Variants in LRBA observed in about 807,000 individuals in gnomAD.
LRBA encodes the protein lipopolysaccharide-responsive and beige-like anchor protein.
LRBA carries 176 observed loss-of-function variants against 330.0 expected under a neutral mutation model. The observed-to-expected ratio is 0.53, with a 90% confidence interval of 0.47 to 0.60. The LOEUF is 0.60. Among genes scored for constraint, LRBA ranks in the 20% least tolerant of loss-of-function variants. The probability of loss-of-function intolerance (pLI) is 0.00; values close to 1 mark genes in which losing one functional copy is unlikely to be tolerated. For synonymous variants in LRBA, 1,230 were observed against 1,193.0 expected, an observed-to-expected ratio of 1.03 and a Z score of -0.64; for missense variants, 3,259 against 3,444.8, an observed-to-expected ratio of 0.95 and a Z score of 1.35.
intron 2 of LRBA, among the ~76,000 whole-genome samples, chr4:151,012,617 G>A (rs1396191932): frequency 2.0e-5 from 3 of 152,108 alleles, no homozygotes; most frequent in Non-Finnish European, 2.9e-5. Flanking sequence ...GACAACTGTT[G>A]AAGCTGCACA....
At chr4:150,517,666 G>A (rs958738119) in intron 40 of LRBA, among the ~76,000 whole-genome samples, 26 of 152,176 alleles carry the variant, frequency 1.7e-4, no homozygotes, top group African/African-American at 6.0e-4. Flanking sequence ...TTTATAATAA[G>A]CTGCGGGTAT....
At position 150,508,248 on chromosome 4, in the gene LRBA, G is replaced by A. The variant is rs867759291; in HGVS notation, c.6331-17213C>T. Among the ~76,000 whole-genome samples, 318 of 137,252 alleles carry A rather than the reference G, an allele frequency of 2.3e-3. 5 individuals are homozygous for A. Among genetic ancestry groups the A allele is most frequent in the African/African-American group, 5.9e-3 (223 of 38,006 alleles). 90.0% of individuals were successfully genotyped at this position (137,252 alleles called of 152,430 possible). On this transcript the variant is annotated intron_variant, in intron 40 of 56. Coordinates refer to ENST00000651943, the MANE Select transcript of LRBA (RefSeq NM_001364905.1). ...ATAAAATTTAAAAAAAAAGGGGGGG[G>A]GGGGGAGAAAAAGACATCACATGAG...
At chr4:150,489,162 ATATATTATATATAAG>A (rs1758362614) in intron 41 of LRBA, among the ~76,000 whole-genome samples, 1 of 112,818 alleles carries the variant, frequency 8.9e-6, no homozygotes, top group Non-Finnish European at 1.8e-5. Flanking sequence ...AGAATATATA[ATATATTATATATAAG>A]TATATAATAT....
Position 150,285,993 on chromosome 4 carries a change from AG to A in LRBA, c.8058del (p.Tyr2687MetfsTer12). 6.3e-7 allele frequency: 1 copy of A among 1,595,174 alleles called. No homozygotes were observed. The highest frequency in any genetic ancestry group is 8.5e-7 in the Non-Finnish European group (1 of 1,170,858). On this transcript the variant is annotated frameshift_variant, in exon 54 of 57. Coordinates refer to ENST00000651943, the MANE Select transcript of LRBA (RefSeq NM_001364905.1). LOFTEE classifies it high-confidence loss of function. ...CACACCGCAGCACATGTGACCTCAT[AG>A]TCATGGCCGGTCAAAATGGCCCGAG... ...AAPRAILTGH[D>X]YEVTCAAVCA...
chr4:150,973,111 C>A (rs111637535), intron 2 of LRBA, among the ~76,000 whole-genome samples: 4 of 152,100 alleles, frequency 2.6e-5, no homozygotes, highest in South Asian at 4.2e-4. Flanking sequence ...CAGAATGAGA[C>A]CCTGTCTCTA....
chr4:150,265,699 G>A lies in LRBA; in HGVS notation c.*23C>T. 6.7e-7 allele frequency: 1 copy of A among 1,485,340 alleles called. No homozygotes were observed. The highest frequency in any genetic ancestry group is 1.7e-5 in the Admixed American group (1 of 59,844). 92.0% of individuals were successfully genotyped at this position (1,485,340 alleles called of 1,614,324 possible). A position where few individuals can be genotyped will look rare whatever the true frequency, so the allele number is the denominator to read the frequency against. ...GGTACTTCTGCTCATCCTAGGGGCA[G>A]AGTTGATGTACAGCTGTCACCATCA... On this transcript the variant is annotated 3_prime_UTR_variant, in exon 57 of 57. Transcript: ENST00000651943.
chr4:150,617,768 C>T (rs1407646022), intron 37 of LRBA, among the ~76,000 whole-genome samples: 2 of 152,158 alleles, frequency 1.3e-5, no homozygotes, highest in African/African-American at 4.8e-5. Flanking sequence ...CAGTTCATTG[C>T]TATAGCCACT....
chr4:150,840,824 T>C, intron 28 of LRBA: 1 of 710,056 alleles, frequency 1.4e-6, no homozygotes, highest in Non-Finnish European at 1.8e-6. Context: ...CAACATGCAA[T>C]AGCAAAGCAC....
intron 40 of LRBA, among the ~76,000 whole-genome samples, chr4:150,573,028 CA>C (rs1347485896): frequency 1.3e-5 from 2 of 152,114 alleles, no homozygotes; most frequent in African/African-American, 4.8e-5. Flanking sequence ...GCCAACAGAA[CA>C]GTAAATTCTG....
intron 40 of LRBA, among the ~76,000 whole-genome samples, chr4:150,538,250 C>G (rs1258850734): frequency 6.6e-6 from 1 of 152,110 alleles, no homozygotes; most frequent in Non-Finnish European, 1.5e-5. Context: ...GAACTGAAAA[C>G]AGAACTACCA....
At chr4:150,532,363 C>T (rs540710259) in intron 40 of LRBA, among the ~76,000 whole-genome samples, 2 of 152,174 alleles carry the variant, frequency 1.3e-5, no homozygotes, top group South Asian at 4.2e-4. Flanking sequence ...TGTTATATTG[C>T]TACAGACAAC....
intron 33 of LRBA, among the ~76,000 whole-genome samples, chr4:150,798,780 T>A (rs1741163527): frequency 6.6e-6 from 1 of 152,200 alleles, no homozygotes; most frequent in South Asian, 2.1e-4. Flanking sequence ...TAAAGAAGTC[T>A]TTGGTTTTAA....
chr4:150,829,986 G>GT (rs2126818682), intron 29 of LRBA, among the ~76,000 whole-genome samples: 1 of 152,102 alleles, frequency 6.6e-6, no homozygotes, highest in East Asian at 1.9e-4. Flanking sequence ...TTAAAATTCT[G>GT]TTTTTTCTAC....
chr4:150,502,361 A>G (rs1445628542), intron 40 of LRBA, among the ~76,000 whole-genome samples: 4 of 152,214 alleles, frequency 2.6e-5, no homozygotes, highest in Admixed American at 1.3e-4. Context: ...ATTTCTAAGT[A>G]ACTTAACTGT....
At chr4:150,382,951 T>C (rs576187712) in intron 47 of LRBA, among the ~76,000 whole-genome samples, 13 of 152,324 alleles carry the variant, frequency 8.5e-5, no homozygotes, top group Non-Finnish European at 1.8e-4. Context: ...GCTAAAGTGG[T>C]GGTAAACAAG....
chr4:150,698,594 C>T (rs930022556), intron 36 of LRBA, among the ~76,000 whole-genome samples: 4 of 152,078 alleles, frequency 2.6e-5, no homozygotes, highest in Non-Finnish European at 5.9e-5. Flanking sequence ...AGTAAGCATC[C>T]GAGTAAAATA....
At position 150,321,318 on chromosome 4, in the gene LRBA, G is replaced by A; in HGVS notation, c.7503C>T (p.Leu2501=). The A allele has an allele frequency of 1.2e-6, 2 of 1,607,398 alleles. No homozygotes were observed. Among genetic ancestry groups the A allele is most frequent in the Admixed American group, 1.7e-5 (1 of 58,188 alleles). The change falls in exon 50 of 57, where the codon CTC becomes CTT. Residue 2501 remains leucine, a synonymous_variant. Coordinates refer to ENST00000651943, the MANE Select transcript of LRBA (RefSeq NM_001364905.1). The surrounding 1 kb of genome is among the most constrained non-coding windows in gnomAD (Gnocchi z 4.5). Reference sequence around the variant, plus strand: ...TAACAGGGGAGTTGGAGGGAAACTTGAGGACCATGATAACATCCTGCTGGG... The same window carrying A: ...TAACAGGGGAGTTGGAGGGAAACTTAAGGACCATGATAACATCCTGCTGGG... ...DKAQQDVIMV[L]KFPSNSPVTH... is the part of the protein sequence containing the mutation.
intron 34 of LRBA, among the ~76,000 whole-genome samples, chr4:150,764,588 C>A (rs997225795): frequency 6.6e-6 from 1 of 151,908 alleles, no homozygotes; most frequent in Non-Finnish European, 1.5e-5. Context: ...TAAAAGTCAA[C>A]AAAAACAAAC....
At chr4:150,528,341 T>C (rs559453776) in intron 40 of LRBA, among the ~76,000 whole-genome samples, 1 of 151,822 alleles carries the variant, frequency 6.6e-6, no homozygotes, top group African/African-American at 2.4e-5. Flanking sequence ...CTACTAAAAA[T>C]ACAAAAAAAA....
Sources: allele counts gnomAD v4.1 joint callset (sites outside exome capture counted in the v4.1 genomes callset), GRCh38; gene constraint gnomAD v4.1.1; non-coding constraint Gnocchi (gnomAD v3.1); transcripts MANE v1.5; gene names NCBI Gene and HGNC (gene_info 2026-07-23, HGNC 2026-07-21).